Variants in GNG12 observed in about 807,000 individuals in gnomAD.
GNG12 encodes the protein G protein subunit gamma 12.
For synonymous variants in GNG12, 28 were observed against 29.7 expected, an observed-to-expected ratio of 0.94 and a Z score of 0.19; for missense variants, 69 against 83.8, an observed-to-expected ratio of 0.82 and a Z score of 0.69.
intron 1 of GNG12, chr1:67,832,425 G>C (rs1647052340): frequency 1.3e-5 from 2 of 152,144 alleles, no homozygotes; most frequent in South Asian, 4.1e-4. Flanking sequence ...CAAGAATCAC[G>C]GCTTCCTTAT....
chr1:67,723,228 G>A (rs1000774237), intron 2 of GNG12, among the ~76,000 whole-genome samples: 6 of 152,274 alleles, frequency 3.9e-5, no homozygotes, highest in Non-Finnish European at 7.4e-5. Context: ...ATTTCCAAGG[G>A]GTGCATGAAG....
chr1:67,781,879 T>C (rs1468989629), intron 1 of GNG12, among the ~76,000 whole-genome samples: 1 of 152,108 alleles, frequency 6.6e-6, no homozygotes, highest in Non-Finnish European at 1.5e-5. Flanking sequence ...CTAGTTAACT[T>C]TGAGACATCC....
chr1:67,797,287 T>C (rs1246409113), intron 1 of GNG12, among the ~76,000 whole-genome samples: 1 of 152,160 alleles, frequency 6.6e-6, no homozygotes, highest in Non-Finnish European at 1.5e-5. Flanking sequence ...TCCAAAATTA[T>C]TTTTCTACTC....
At chr1:67,812,331 T>G (rs1414743647) in intron 1 of GNG12, among the ~76,000 whole-genome samples, 1 of 152,224 alleles carries the variant, frequency 6.6e-6, no homozygotes, top group African/African-American at 2.4e-5. Context: ...TTTTCTACTT[T>G]GAGCCTCTCC....
chr1:67,758,005 C>T (rs1557607121), intron 2 of GNG12, among the ~76,000 whole-genome samples: 1 of 152,138 alleles, frequency 6.6e-6, no homozygotes, highest in Admixed American at 6.5e-5. Flanking sequence ...GAGTTTTACT[C>T]TTGTCGCCCA....
At chr1:67,817,033 T>C (rs941794387) in intron 1 of GNG12, among the ~76,000 whole-genome samples, 1 of 152,226 alleles carries the variant, frequency 6.6e-6, no homozygotes, top group African/African-American at 2.4e-5. Flanking sequence ...TTGAATCTTC[T>C]ATGCATGGGA....
intron 1 of GNG12, among the ~76,000 whole-genome samples, chr1:67,811,157 C>T (rs1158803436): frequency 6.6e-6 from 1 of 152,150 alleles, no homozygotes; most frequent in Non-Finnish European, 1.5e-5. Context: ...TCATAGTTTT[C>T]AACTTTCTTT....
chr1:67,724,122 A>T (rs1323276391), intron 2 of GNG12, among the ~76,000 whole-genome samples: 1 of 152,168 alleles, frequency 6.6e-6, no homozygotes, highest in Non-Finnish European at 1.5e-5. Context: ...TGTTTCAGAG[A>T]TGGTTGGCAC....
At chr1:67,829,113 G>A (rs576487904) in intron 1 of GNG12, among the ~76,000 whole-genome samples, 1 of 152,200 alleles carries the variant, frequency 6.6e-6, no homozygotes, top group East Asian at 1.9e-4. Context: ...GGAAAAGCAG[G>A]TTGGGGGTGG....
chr1:67,788,475 A>G (rs1464113960), intron 1 of GNG12, among the ~76,000 whole-genome samples: 4 of 150,262 alleles, frequency 2.7e-5, no homozygotes, highest in Non-Finnish European at 5.9e-5. Context: ...CTGGGACTAC[A>G]GGGGCACTTC....
chr1:67,765,754 A>G (rs1646632398), intron 2 of GNG12, among the ~76,000 whole-genome samples: 1 of 152,226 alleles, frequency 6.6e-6, no homozygotes, highest in Admixed American at 6.5e-5. Flanking sequence ...ATGCGAATAA[A>G]CTAGCAGGAC....
intron 1 of GNG12, among the ~76,000 whole-genome samples, chr1:67,823,898 C>T (rs540440904): frequency 3.3e-4 from 50 of 152,264 alleles, no homozygotes; most frequent in African/African-American, 1.2e-3. Flanking sequence ...CCCAAAGGTC[C>T]AGCAGTAGAG....
chr1:67,739,426 T>C (rs927435641), intron 2 of GNG12, among the ~76,000 whole-genome samples: 1 of 152,220 alleles, frequency 6.6e-6, no homozygotes, highest in Non-Finnish European at 1.5e-5. Flanking sequence ...AATTTAAGTT[T>C]ATTGAACGCC....
chr1:67,716,907 C>T (rs1646328647), intron 2 of GNG12, among the ~76,000 whole-genome samples: 1 of 152,170 alleles, frequency 6.6e-6, no homozygotes, highest in African/African-American at 2.4e-5. Context: ...GATGATTCTC[C>T]TGTGCCCAAG....
At chr1:67,765,229 C>G (rs1646629249) in intron 2 of GNG12, among the ~76,000 whole-genome samples, 1 of 152,098 alleles carries the variant, frequency 6.6e-6, no homozygotes. Context: ...GGCGATTAAG[C>G]TGATGCACGA....
At chr1:67,717,485 C>T (rs1646332645) in intron 2 of GNG12, among the ~76,000 whole-genome samples, 1 of 150,056 alleles carries the variant, frequency 6.7e-6, no homozygotes, top group Non-Finnish European at 1.5e-5. Context: ...CATTGCACTC[C>T]AGCCTGGGCG....
chr1:67,809,721 C>T (rs559649867), intron 1 of GNG12, among the ~76,000 whole-genome samples: 51 of 152,122 alleles, frequency 3.4e-4, no homozygotes, highest in Non-Finnish European at 5.6e-4. Context: ...ACGAAAACAA[C>T]GAGATACCAC....
chr1:67,711,313 T>C (rs897259115), intron 2 of GNG12, among the ~76,000 whole-genome samples: 3 of 152,098 alleles, frequency 2.0e-5, no homozygotes, highest in African/African-American at 7.2e-5. Context: ...TATAAACAGG[T>C]TGACAGGAGG....
At chr1:67,782,192 G>A (rs1447685352) in intron 1 of GNG12, among the ~76,000 whole-genome samples, 1 of 152,156 alleles carries the variant, frequency 6.6e-6, no homozygotes, top group East Asian at 1.9e-4. Context: ...CAAAATTGGG[G>A]CATAGTTGAG....
Sources: allele counts gnomAD v4.1 joint callset (sites outside exome capture counted in the v4.1 genomes callset), GRCh38; gene constraint gnomAD v4.1.1; transcripts MANE v1.5; gene names NCBI Gene and HGNC (gene_info 2026-07-23, HGNC 2026-07-21).